TMEM135: variants seen among roughly 807,000 people sequenced by gnomAD.
TMEM135 encodes transmembrane protein 135.
Under a neutral mutation model 60.3 loss-of-function variants are expected in TMEM135, and 30 were observed. That is an observed-to-expected ratio of 0.50 (90% CI 0.37 to 0.68). The LOEUF is 0.68. TMEM135 is among the 30% of genes least tolerant of loss of function. The pLI is 0.00. For synonymous variants in TMEM135, 190 were observed against 186.7 expected, an observed-to-expected ratio of 1.02 and a Z score of -0.14; for missense variants, 468 against 548.8, an observed-to-expected ratio of 0.85 and a Z score of 1.47.
rs962480239 is a variant in TMEM135 at position 87,259,017 on chromosome 11, A to C, written c.509+22333A>C. 2.6e-6 allele frequency: 4 copies of C among 1,522,786 alleles called. No homozygotes were observed. In the South Asian group the frequency reaches 4.5e-5, roughly 17 times the overall value. 94.3% of individuals were successfully genotyped at this position (1,522,786 alleles called of 1,614,324 possible). On this transcript the variant is annotated intron_variant, in intron 6 of 14. Coordinates refer to ENST00000305494, the MANE Select transcript of TMEM135 (RefSeq NM_022918.4). ...CCAGGATCATAAAGGAAGTGGTCCC[A>C]ATCCACACGGCTGCCCTGGGAAACC...
intron 5 of TMEM135, among the ~76,000 whole-genome samples, chr11:87,199,388 G>A (rs1940043442): frequency 6.6e-6 from 1 of 152,158 alleles, no homozygotes; most frequent in Non-Finnish European, 1.5e-5. Flanking sequence ...AAGATTAATT[G>A]TGTGAGGAAG....
intron 5 of TMEM135, among the ~76,000 whole-genome samples, chr11:87,211,749 C>G (rs1014319430): frequency 8.5e-5 from 13 of 152,070 alleles, no homozygotes; most frequent in African/African-American, 3.1e-4. Context: ...AGAAAAGGCT[C>G]CTGGCTAACA....
chr11:87,152,705 C>T (rs892836746), intron 4 of TMEM135, among the ~76,000 whole-genome samples: 11 of 152,238 alleles, frequency 7.2e-5, no homozygotes, highest in Non-Finnish European at 1.2e-4. Context: ...TCCCAAGGTG[C>T]TGGGATTACA....
In TMEM135 at chr11:87,171,671, A is replaced by G. The variant is rs1342636431; in HGVS notation, c.462+14265A>G. Among the ~76,000 whole-genome samples the G allele has an allele frequency of 3.3e-5, 5 of 152,218 alleles. No individual in the cohort carries two copies. The East Asian group carries it at 9.6e-4, about 29-fold the overall frequency. On this transcript the variant is annotated intron_variant, in intron 5 of 14. Coordinates refer to ENST00000305494, the MANE Select transcript of TMEM135 (RefSeq NM_022918.4). ...CTGATTAGATGATCTTTAAGGTCCT[A>G]TATGGCTTTAACATTTTCTGCTTAC...
intron 6 of TMEM135, among the ~76,000 whole-genome samples, chr11:87,278,311 A>T (rs1203255016): frequency 6.6e-6 from 1 of 152,126 alleles, no homozygotes; most frequent in Middle Eastern, 3.4e-3. Context: ...TAACACATAT[A>T]CATTTGTAAT....
chr11:87,188,188 TAC>T (rs58815184), intron 5 of TMEM135, among the ~76,000 whole-genome samples: 21,446 of 151,988 alleles, frequency 0.14, 1,784 homozygotes, highest in African/African-American at 0.23. Context: ...GTGTAGTTTG[TAC>T]AGTCATATTT....
intron 12 of TMEM135, among the ~76,000 whole-genome samples, chr11:87,317,342 A>G (rs1942750425): frequency 2.0e-5 from 3 of 152,104 alleles, no homozygotes; most frequent in Admixed American, 2.0e-4. Flanking sequence ...CTTGCAATAT[A>G]CTGTTACATA....
At chr11:87,300,566 G>T (rs1336232603) in intron 7 of TMEM135, among the ~76,000 whole-genome samples, 1 of 152,166 alleles carries the variant, frequency 6.6e-6, no homozygotes, top group Non-Finnish European at 1.5e-5. Context: ...AGGATTACAT[G>T]AATTAATTAT....
rs565854280 is a variant in TMEM135 at position 87,165,690 on chromosome 11, C to G, written c.462+8284C>G. On this transcript the variant is annotated intron_variant, in intron 5 of 14. Coordinates refer to ENST00000305494, the MANE Select transcript of TMEM135 (RefSeq NM_022918.4). Reference sequence around the variant, plus strand: ...GGTCCTGGACTCTTTACTAGAAAAGCAAGAGCAAATACATTCAAAAGCTAG... The same window carrying G: ...GGTCCTGGACTCTTTACTAGAAAAGGAAGAGCAAATACATTCAAAAGCTAG... Among the ~76,000 whole-genome samples the G allele has an allele frequency of 8.6e-4, 130 of 151,430 alleles. 6 individuals are homozygous for G. Among genetic ancestry groups the G allele is most frequent in the African/African-American group, 3.1e-3 (126 of 40,982 alleles).
intron 3 of TMEM135, among the ~76,000 whole-genome samples, chr11:87,082,371 A>G (rs1159814246): frequency 2.6e-5 from 4 of 152,224 alleles, no homozygotes; most frequent in African/African-American, 4.8e-5. Context: ...TTAAAAGCTT[A>G]TAAGTAATTT....
At chr11:87,188,678 T>G (rs1939713121) in intron 5 of TMEM135, among the ~76,000 whole-genome samples, 1 of 145,414 alleles carries the variant, frequency 6.9e-6, no homozygotes, top group Non-Finnish European at 1.5e-5. Flanking sequence ...CACTCCAGCC[T>G]GGGTGACAAG....
chr11:87,136,144 A>G (rs1938091255), intron 4 of TMEM135, among the ~76,000 whole-genome samples: 2 of 151,974 alleles, frequency 1.3e-5, no homozygotes, highest in African/African-American at 4.8e-5. Context: ...TATCCTCTAT[A>G]TAGATGAACA....
intron 6 of TMEM135, among the ~76,000 whole-genome samples, chr11:87,260,770 A>T (rs1023875515): frequency 6.6e-6 from 1 of 151,832 alleles, no homozygotes; most frequent in African/African-American, 2.4e-5. Context: ...CTCTTTATTG[A>T]TTCCTAATGT....
intron 6 of TMEM135, among the ~76,000 whole-genome samples, chr11:87,240,024 C>T (rs1941095365): frequency 6.6e-6 from 1 of 152,058 alleles, no homozygotes; most frequent in Non-Finnish European, 1.5e-5. Context: ...CAAATGGAAT[C>T]ATCCACTTAC....
At chr11:87,210,098 C>T (rs1408557588) in intron 5 of TMEM135, among the ~76,000 whole-genome samples, 2 of 152,060 alleles carry the variant, frequency 1.3e-5, no homozygotes, top group African/African-American at 4.8e-5. Flanking sequence ...CATAATGTTG[C>T]ACCTAGAGGA....
intron 6 of TMEM135, among the ~76,000 whole-genome samples, chr11:87,237,124 G>A (rs1209067459): frequency 6.6e-6 from 1 of 151,938 alleles, no homozygotes; most frequent in African/African-American, 2.4e-5. Flanking sequence ...ATTAATGATA[G>A]TCTGTAAAAT....
intron 5 of TMEM135, among the ~76,000 whole-genome samples, chr11:87,201,912 C>T (rs1013039633): frequency 1.3e-5 from 2 of 151,694 alleles, no homozygotes; most frequent in Non-Finnish European, 2.9e-5. Context: ...TAAACACACA[C>T]ACATACACAT....
chr11:87,147,331 C>T (rs118113768), intron 4 of TMEM135, among the ~76,000 whole-genome samples: 3,173 of 152,094 alleles, frequency 0.021, 35 homozygotes, highest in South Asian at 0.032. Flanking sequence ...AAAAAAACAA[C>T]AAACAAACAA....
chr11:87,240,275 A>G (rs766556389), intron 6 of TMEM135, among the ~76,000 whole-genome samples: 75 of 152,206 alleles, frequency 4.9e-4, no homozygotes, highest in East Asian at 1.9e-4. Flanking sequence ...GGCATTCTTC[A>G]TAATAGTTTT....
Sources: gnomAD v4.1 joint callset for allele counts (sites outside exome capture counted in the v4.1 genomes callset) on GRCh38, gnomAD v4.1.1 for gene constraint, MANE v1.5 for transcripts, NCBI Gene and HGNC (gene_info 2026-07-23, HGNC 2026-07-21) for gene names.